The following TRAF3IP1 variants were observed in gnomAD, a reference collection of about 807,000 sequenced individuals.
TRAF3IP1 encodes TRAF3-interacting protein 1.
In TRAF3IP1, 53 loss-of-function variants were observed where a neutral mutation model predicts 89.9. The observed-to-expected ratio is 0.59, with a 90% CI of 0.47 to 0.74. The LOEUF (loss-of-function observed/expected upper bound fraction) is 0.74, where lower values mean the gene tolerates loss of function less well. Ranked by LOEUF, TRAF3IP1 falls within the 30% of genes least tolerant of loss-of-function variation. The pLI, the probability that TRAF3IP1 is intolerant of heterozygous loss-of-function variation, is 0.00. For synonymous variants in TRAF3IP1, 311 were observed against 322.1 expected (o/e 0.97, Z 0.37); for missense variants, 806 against 866.1 (o/e 0.93, Z 0.87).
chr2:238,351,839 GTGTGT>G lies in TRAF3IP1; in HGVS notation c.1452-987_1452-983del, dbSNP rs1317472269. Among the ~76,000 whole-genome samples, 1 of 52,308 alleles carries G rather than the reference GTGTGT, an allele frequency of 1.9e-5. No homozygotes were observed. The highest frequency in any genetic ancestry group is 4.2e-5 in the Non-Finnish European group (1 of 23,942). 34.3% of individuals were successfully genotyped at this position (52,308 alleles called of 152,430 possible). On this transcript the variant is annotated intron_variant, in intron 12 of 16. Transcript: ENST00000373327. This position sits in a 1 kb window ranked among gnomAD's most constrained non-coding sequence, Gnocchi z 5.2. ...CTGAAGCAAGGGAGGATTTTGGTGT[GTGTGT>G]GTGTGTGTGTGTGTGTGTGTGTGCG...
Position 238,345,974 on chromosome 2 carries a change from C to T in TRAF3IP1, c.1261+1376C>T, listed in dbSNP as rs1698874537. On this transcript the variant is annotated intron_variant, in intron 9 of 16. Transcript: ENST00000373327. This position sits in a 1 kb window ranked among gnomAD's most constrained non-coding sequence, Gnocchi z 4.7. ...GTAGAGAGTTCACTGTGCTGACTTT[C>T]CTTCTGGGTATCGGCCTTGTGGTTG... 6.6e-6 allele frequency among the ~76,000 whole-genome samples: 1 copy of T among 152,144 alleles called. No individual in the cohort carries two copies. The highest frequency in any genetic ancestry group is 1.5e-5 in the Non-Finnish European group (1 of 68,020).
At chr2:238,331,586 GA>G (rs1698128008) in intron 5 of TRAF3IP1, among the ~76,000 whole-genome samples, 1 of 152,230 alleles carries the variant, frequency 6.6e-6, no homozygotes. Context: ...ATGGCGAAGT[GA>G]TTTTTTCCTA....
chr2:238,326,393 T>G (rs1258019944), intron 3 of TRAF3IP1, among the ~76,000 whole-genome samples: 1 of 152,118 alleles, frequency 6.6e-6, no homozygotes, highest in East Asian at 1.9e-4. Flanking sequence ...TATGGGAGTC[T>G]CTGTTCTCTT....
intron 15 of TRAF3IP1, among the ~76,000 whole-genome samples, chr2:238,391,256 C>G (rs1700983433): frequency 6.6e-6 from 1 of 152,190 alleles, no homozygotes; most frequent in African/African-American, 2.4e-5. Context: ...CACACCCAGC[C>G]ATGACAGATT....
chr2:238,331,442 A>C (rs1698119613), intron 5 of TRAF3IP1, among the ~76,000 whole-genome samples: 1 of 152,256 alleles, frequency 6.6e-6, no homozygotes. Flanking sequence ...ACGCCACTGC[A>C]CTCCAGCCTG....
intron 1 of TRAF3IP1, 136 bp downstream of exon 1, chr2:238,320,921 G>A (rs1174781295): frequency 6.9e-6 from 5 of 723,470 alleles, no homozygotes; most frequent in Middle Eastern, 5.2e-4. Flanking sequence ...GGGCTGGGCC[G>A]GAGTCGGGGC....
rs1419752397 is a variant in TRAF3IP1 at position 238,368,070 on chromosome 2, GAC to G, written c.1689+11996_1689+11997del. ...TATTCACTTGTGCTTACTGTTGTGAGACACACATGTATTTTTCTAGTTCCCAT... is the reference window on the plus strand; with the variant it reads ...TATTCACTTGTGCTTACTGTTGTGAGACACATGTATTTTTCTAGTTCCCAT... On this transcript the variant is annotated intron_variant, in intron 15 of 16. Coordinates refer to ENST00000373327, the MANE Select transcript of TRAF3IP1 (RefSeq NM_015650.4). Among the ~76,000 whole-genome samples, 6 of 152,068 alleles carry G rather than the reference GAC, an allele frequency of 3.9e-5. No individual in the cohort carries two copies. In the East Asian group the frequency reaches 1.2e-3, roughly 29 times the overall value.
intron 14 of TRAF3IP1, 147 bp downstream of exon 14, chr2:238,353,356 C>T: frequency 1.3e-6 from 1 of 788,212 alleles, no homozygotes; most frequent in Non-Finnish European, 2.0e-6. Context: ...ACTGGTGGTA[C>T]ATAGGACCCT....
In TRAF3IP1 at chr2:238,351,682, C is replaced by T. The variant is rs4663880; in HGVS notation, c.1452-1145C>T. ...GGGTTCGAAGTGAGGTTGGTCCTGG[C>T]GGAGCCACACAGGTGGTTGTTGAGT... On this transcript the variant is annotated intron_variant, in intron 12 of 16. Transcript: ENST00000373327. The surrounding 1 kb of genome is among the most constrained non-coding windows in gnomAD (Gnocchi z 5.2). 0.27 allele frequency among the ~76,000 whole-genome samples: 40,611 copies of T among 151,894 alleles called. 5,551 individuals carry two copies. The highest frequency in any genetic ancestry group is 0.28 in the South Asian group (1,327 of 4,806).
At chr2:238,350,459 G>A (rs938043622) in intron 12 of TRAF3IP1, among the ~76,000 whole-genome samples, 1 of 152,162 alleles carries the variant, frequency 6.6e-6, no homozygotes, top group Non-Finnish European at 1.5e-5. Context: ...GGGTCTGGGG[G>A]AAGAGGAGTG....
chr2:238,351,538 C>G lies in TRAF3IP1; in HGVS notation c.1452-1289C>G, dbSNP rs1375923501. Reference sequence around the variant, plus strand: ...GGCGGGACAGAGAGGGCCTGCCGATCACGGCAGGCACAGGGGCGCAGGTGT... The same window carrying G: ...GGCGGGACAGAGAGGGCCTGCCGATGACGGCAGGCACAGGGGCGCAGGTGT... On this transcript the variant is annotated intron_variant, in intron 12 of 16. Coordinates refer to ENST00000373327, the MANE Select transcript of TRAF3IP1 (RefSeq NM_015650.4). The surrounding 1 kb of genome is among the most constrained non-coding windows in gnomAD (Gnocchi z 5.2). Among the ~76,000 whole-genome samples the G allele has an allele frequency of 6.6e-6, 1 of 152,074 alleles. No individual in the cohort carries two copies. Among genetic ancestry groups the G allele is most frequent in the Admixed American group, 6.5e-5 (1 of 15,278 alleles).
Position 238,397,553 on chromosome 2 carries a change from A to C in TRAF3IP1, c.1784A>C (p.Lys595Thr), listed in dbSNP as rs757200950. The C allele has an allele frequency of 6.2e-7, 1 of 1,613,040 alleles. No homozygotes were observed. The highest frequency in any genetic ancestry group is 1.1e-5 in the South Asian group (1 of 91,088). The change falls in exon 16 of 17, where the codon AAG becomes ACG. Residue 595 changes from lysine (K) to threonine (T), a missense_variant. By Grantham distance (78) the Lys-to-Thr change is moderately conservative. Around this residue, in one of 3 missense-constraint regions of TRAF3IP1, gnomAD observed 732 missense variants for 780.5 expected, o/e 0.94. Coordinates refer to ENST00000373327, the MANE Select transcript of TRAF3IP1 (RefSeq NM_015650.4). ...KLRTSIQTLC[K>T]SALPLGKIMD... ...CGCACGTCCATCCAGACCCTGTGCA[A>C]GAGCGCACTTCCCCTGGGGAAGATC...
chr2:238,337,259 G>C (rs1358636934), intron 7 of TRAF3IP1, among the ~76,000 whole-genome samples: 1 of 152,210 alleles, frequency 6.6e-6, no homozygotes, highest in Admixed American at 6.5e-5. Flanking sequence ...GGAATGAGGG[G>C]CGTGAGCAGG....
chr2:238,370,353 AGT>A (rs1165305222), intron 15 of TRAF3IP1, among the ~76,000 whole-genome samples: 34 of 151,662 alleles, frequency 2.2e-4, no homozygotes, highest in African/African-American at 7.8e-4. Flanking sequence ...TGCGTGTCTG[AGT>A]GTATACATGT....
chr2:238,321,747 A>T (rs1371458230), intron 1 of TRAF3IP1, among the ~76,000 whole-genome samples: 4 of 152,184 alleles, frequency 2.6e-5, no homozygotes, highest in Non-Finnish European at 5.9e-5. Flanking sequence ...GGTGGACCCA[A>T]GGGCACGTGG....
chr2:238,321,981 C>T (rs191363502), intron 1 of TRAF3IP1, among the ~76,000 whole-genome samples: 3 of 152,304 alleles, frequency 2.0e-5, no homozygotes, highest in African/African-American at 7.2e-5. Context: ...AAAACAGTGC[C>T]TAAAAATGCT....
intron 8 of TRAF3IP1, 142 bp downstream of exon 8, chr2:238,338,599 G>T: frequency 2.0e-6 from 1 of 492,798 alleles, no homozygotes; most frequent in Non-Finnish European, 3.6e-6. Context: ...TTGAAGACTG[G>T]ACATAACTTG....
rs557016905 is a variant in TRAF3IP1, at chr2:238,365,675, T to A, written c.1689+9595T>A. On this transcript the variant is annotated intron_variant, in intron 15 of 16. Transcript: ENST00000373327. Reference sequence around the variant, plus strand: ...CTGTCTCAAAAAAATAAAATAAAAATAAAAATAAATAAATAAATAAAAATA... The same window carrying A: ...CTGTCTCAAAAAAATAAAATAAAAAAAAAAATAAATAAATAAATAAAAATA... Among the ~76,000 whole-genome samples, 809 of 151,068 alleles carry A rather than the reference T, an allele frequency of 5.4e-3. 7 individuals carry two copies. The highest frequency in any genetic ancestry group is 0.019 in the African/African-American group (764 of 41,022).
intron 7 of TRAF3IP1, 95 bp from the exon 8 acceptor site, chr2:238,338,267 C>G (rs1698477792): frequency 1.5e-6 from 1 of 674,080 alleles, no homozygotes; most frequent in Non-Finnish European, 2.4e-6. Context: ...TGCTGGTGAC[C>G]TTGGTGTAAT....
Sources: allele counts gnomAD v4.1 joint callset (sites outside exome capture counted in the v4.1 genomes callset), GRCh38; gene constraint gnomAD v4.1.1; regional missense constraint gnomAD v4.1.1; non-coding constraint Gnocchi (gnomAD v3.1); transcripts MANE v1.5; gene names NCBI Gene and HGNC (gene_info 2026-07-23, HGNC 2026-07-21).